TTC23: variants seen among roughly 807,000 people sequenced by gnomAD.
TTC23 encodes the protein tetratricopeptide repeat domain 23, also known as tetratricopeptide repeat protein 23.
A neutral mutation model predicts 55.1 loss-of-function variants in TTC23; 58 were observed. That is an observed-to-expected ratio of 1.05 (90% CI 0.85 to 1.31). The LOEUF is 1.31. Among genes scored for constraint, TTC23 ranks in the 50% most tolerant of loss-of-function variants. TTC23 has a pLI of 0.00. For missense variants in TTC23, 516 were observed against 534.4 expected (o/e 0.97, Z 0.34); for synonymous variants, 203 against 199.9 (o/e 1.02, Z -0.13).
intron 12 of TTC23, 132 bp downstream of exon 12, chr15:99,156,016 A>C: frequency 8.0e-7 from 1 of 1,254,724 alleles, no homozygotes; most frequent in Non-Finnish European, 1.1e-6. Context: ...ATCTACCACA[A>C]AAGTGATGTC....
rs1364662468 is a variant in TTC23 at position 99,228,860 on chromosome 15, T to C, written c.-20-128A>G. ...AGCATTATATCCCAAAAGATTATGGTGGCTACTACTGACCTGCTGATTTCT... is the reference window on the plus strand; with the variant it reads ...AGCATTATATCCCAAAAGATTATGGCGGCTACTACTGACCTGCTGATTTCT... On this transcript the variant is annotated intron_variant, in intron 4 of 13. Coordinates refer to ENST00000394132, the MANE Select transcript of TTC23 (RefSeq NM_001288615.3). The C allele has an allele frequency of 4.1e-6, 3 of 723,030 alleles. No individual in the cohort carries two copies. The African/African-American group carries it at 5.3e-5, about 13-fold the overall frequency. 44.8% of individuals were successfully genotyped at this position (723,030 alleles called of 1,614,324 possible). A position where few individuals can be genotyped will look rare whatever the true frequency, so the allele number is the denominator to read the frequency against.
At chr15:99,154,779 C>G (rs782149788) in intron 12 of TTC23, among the ~76,000 whole-genome samples, 16 of 152,070 alleles carry the variant, frequency 1.1e-4, no homozygotes, top group Non-Finnish European at 2.1e-4. Flanking sequence ...AAAGCACTCA[C>G]GGTAATAGAA....
intron 5 of TTC23, among the ~76,000 whole-genome samples, chr15:99,226,306 T>C (rs9888674): frequency 0.5 from 75,113 of 150,180 alleles, 18,974 homozygotes; most frequent in Middle Eastern, 0.67. Context: ...TGTAAGGGAA[T>C]AGCTTTATTC....
intron 6 of TTC23, among the ~76,000 whole-genome samples, chr15:99,219,410 T>A (rs532359337): frequency 6.6e-6 from 1 of 152,332 alleles, no homozygotes; most frequent in African/African-American, 2.4e-5. Flanking sequence ...TATTCATGAA[T>A]TTTAATCCTG....
intron 9 of TTC23, among the ~76,000 whole-genome samples, chr15:99,198,207 G>A (rs542956775): frequency 1.3e-5 from 2 of 152,114 alleles, no homozygotes; most frequent in Admixed American, 6.5e-5. Context: ...ATTTCCACTT[G>A]TACGCCTCAC....
upstream of TTC23, among the ~76,000 whole-genome samples, chr15:99,250,831 T>C (rs2080676482): frequency 2.0e-5 from 3 of 152,238 alleles, no homozygotes; most frequent in Non-Finnish European, 4.4e-5. Flanking sequence ...TCCTCATCTT[T>C]GTTATCTACC....
chr15:99,229,932 G>T (rs12907394), intron 4 of TTC23, among the ~76,000 whole-genome samples: 124,331 of 152,102 alleles, frequency 0.82, 51,336 homozygotes, highest in African/African-American at 0.94. Flanking sequence ...TGTTTTCAAG[G>T]GACTTAATTG....
chr15:99,153,368 C>G (rs1343389157), intron 12 of TTC23, among the ~76,000 whole-genome samples: 1 of 152,212 alleles, frequency 6.6e-6, no homozygotes, highest in Non-Finnish European at 1.5e-5. Context: ...TATTTACTAC[C>G]TAACTGATAG....
At chr15:99,218,482 A>G in intron 8 of TTC23, 106 bp downstream of exon 8, 1 of 1,433,902 alleles carries the variant, frequency 7.0e-7, no homozygotes, top group Non-Finnish European at 9.6e-7. Flanking sequence ...CCTCCAGAGA[A>G]GCCATGGCCG....
intron 12 of TTC23, chr15:99,140,158 C>G (rs1443245722): frequency 6.0e-6 from 1 of 166,214 alleles, no homozygotes; most frequent in Non-Finnish European, 1.3e-5. Context: ...GGCAGAGAGC[C>G]CAAGCCTTGA....
At chr15:99,203,287 C>G (rs1024597979) in intron 8 of TTC23, among the ~76,000 whole-genome samples, 1 of 151,836 alleles carries the variant, frequency 6.6e-6, no homozygotes, top group Non-Finnish European at 1.5e-5. Flanking sequence ...ACCATGTACA[C>G]CAAAGCTCCA....
Position 99,161,730 on chromosome 15 carries a change from A to T in TTC23, c.993+10T>A. ...GAATAACTAGACAATTGTGATCCAA[A>T]CTCACTTACCTCTTTTTGTCCAGTC... On this transcript the variant is annotated intron_variant, in intron 11 of 13. Transcript: ENST00000394132. 1 of 1,606,992 alleles carries T rather than the reference A, an allele frequency of 6.2e-7. No individual in the cohort carries two copies. Among genetic ancestry groups the T allele is most frequent in the African/African-American group, 1.3e-5 (1 of 74,524 alleles).
intron 2 of TTC23, among the ~76,000 whole-genome samples, chr15:99,243,518 A>C (rs1383804762): frequency 6.6e-6 from 1 of 152,218 alleles, no homozygotes; most frequent in African/African-American, 2.4e-5. Flanking sequence ...AAAGAAAAGT[A>C]TATCAGAGAT....
At chr15:99,149,920 T>C (rs533552186) in intron 12 of TTC23, among the ~76,000 whole-genome samples, 250 of 152,318 alleles carry the variant, frequency 1.6e-3, no homozygotes, top group Non-Finnish European at 2.7e-3. Context: ...GTATCTCTCT[T>C]ATCATTTGCC....
At chr15:99,174,814 G>A (rs2151930655) in intron 10 of TTC23, among the ~76,000 whole-genome samples, 1 of 152,328 alleles carries the variant, frequency 6.6e-6, no homozygotes, top group South Asian at 2.1e-4. Flanking sequence ...CATTTGGATA[G>A]AGATTGGCTG....
chr15:99,166,192 G>A (rs2072053627), intron 10 of TTC23, among the ~76,000 whole-genome samples: 1 of 152,190 alleles, frequency 6.6e-6, no homozygotes, highest in Non-Finnish European at 1.5e-5. Context: ...CCTGGGGTAG[G>A]AGCCGATCTC....
intron 8 of TTC23, among the ~76,000 whole-genome samples, chr15:99,211,409 A>G (rs940301618): frequency 2.0e-5 from 3 of 152,096 alleles, no homozygotes; most frequent in Non-Finnish European, 4.4e-5. Context: ...AGAAGTAAGT[A>G]TATACAATTG....
At chr15:99,139,935 C>CA (rs1268718282) in intron 12 of TTC23, 1 of 351,390 alleles carries the variant, frequency 2.8e-6, no homozygotes, top group Non-Finnish European at 5.2e-6. Flanking sequence ...TAAGTCTTGC[C>CA]ATTTGATTGC....
chr15:99,139,314 C>CA lies in TTC23; in HGVS notation c.1226+2dup. ...AGAGAAAGTGTGAGGGACGCCAACT[C>CA]ACGTGGACAGCATGCCCATGGCCTG... On this transcript the variant is annotated splice_region_variant and intron_variant, in intron 13 of 13. Transcript: ENST00000394132. The CA allele has an allele frequency of 6.2e-7, 1 of 1,611,986 alleles. No homozygotes were observed. The highest frequency in any genetic ancestry group is 8.5e-7 in the Non-Finnish European group (1 of 1,179,998).
Sources: allele counts gnomAD v4.1 joint callset (sites outside exome capture counted in the v4.1 genomes callset), GRCh38; gene constraint gnomAD v4.1.1; transcripts MANE v1.5; gene names NCBI Gene and HGNC (gene_info 2026-07-23, HGNC 2026-07-21).